Variants in TUSC3 observed in about 807,000 individuals in gnomAD.
TUSC3 encodes the protein tumor suppressor candidate 3.
In TUSC3, 45 loss-of-function variants were observed where a neutral mutation model predicts 44.8. The observed-to-expected ratio is 1.00, with a 90% CI of 0.79 to 1.29. The LOEUF is 1.29. Ranked by LOEUF, TUSC3 falls within the 50% of genes most tolerant of loss-of-function variation. The probability of loss-of-function intolerance (pLI) is 0.00; values close to 1 mark genes in which losing one functional copy is unlikely to be tolerated. For missense variants in TUSC3, 519 were observed against 437.9 expected (o/e 1.19, Z -1.65); for synonymous variants, 212 against 152.9 (o/e 1.39, Z -2.85).
intron 8 of TUSC3, among the ~76,000 whole-genome samples, chr8:15,744,946 C>G (rs908873724): frequency 2.0e-5 from 3 of 152,048 alleles, no homozygotes; most frequent in African/African-American, 7.2e-5. Context: ...CCTACACGCT[C>G]CTCACTCCAT....
chr8:15,714,906 T>C (rs1809999447), intron 6 of TUSC3, among the ~76,000 whole-genome samples: 1 of 152,164 alleles, frequency 6.6e-6, no homozygotes, highest in Admixed American at 6.6e-5. Context: ...TAGGATTTCT[T>C]CCTCTTTATA....
At chr8:15,681,514 A>G (rs1332273037) in intron 6 of TUSC3, among the ~76,000 whole-genome samples, 1 of 149,490 alleles carries the variant, frequency 6.7e-6, no homozygotes, top group South Asian at 2.1e-4. Context: ...ATCAGTTGTA[A>G]TGTCACCTTT....
chr8:15,848,120 C>T, the TUSC3 span, among the ~76,000 whole-genome samples: 1 of 152,066 alleles, frequency 6.6e-6, no homozygotes, highest in Non-Finnish European at 1.5e-5. Flanking sequence ...AGACTGTCCC[C>T]CTCCTTCCCC....
chr8:15,689,420 C>T (rs1808791147), intron 6 of TUSC3: 3 of 204,312 alleles, frequency 1.5e-5, no homozygotes, highest in Non-Finnish European at 3.0e-5. Flanking sequence ...CCTTGTTGTT[C>T]TTGATACCCA....
intron 1 of TUSC3, among the ~76,000 whole-genome samples, chr8:15,592,377 T>G (rs555552836): frequency 4.6e-5 from 7 of 152,198 alleles, no homozygotes; most frequent in Non-Finnish European, 1.0e-4. Context: ...CCAAATCTCA[T>G]GTCAAAATGT....
chr8:15,833,413 G>A, the TUSC3 span, among the ~76,000 whole-genome samples: 2 of 152,118 alleles, frequency 1.3e-5, no homozygotes, highest in Admixed American at 6.5e-5. Flanking sequence ...ACACACATAC[G>A]TTTATTCCAG....
intron 1 of TUSC3, among the ~76,000 whole-genome samples, chr8:15,455,810 C>T (rs1800249737): frequency 6.6e-6 from 1 of 152,120 alleles, no homozygotes. Context: ...TGATAAAAGC[C>T]CTTCCCCAAA....
the TUSC3 span, among the ~76,000 whole-genome samples, chr8:15,833,757 T>G: frequency 6.6e-6 from 1 of 151,702 alleles, no homozygotes; most frequent in Non-Finnish European, 1.5e-5. Context: ...AATACCCGGG[T>G]GACAAAACAA....
At chr8:15,456,320 T>C (rs1800256301) in intron 1 of TUSC3, among the ~76,000 whole-genome samples, 2 of 152,298 alleles carry the variant, frequency 1.3e-5, no homozygotes, top group South Asian at 4.1e-4. Flanking sequence ...CGGAACCTGT[T>C]GAGAAAGTTT....
At chr8:15,830,803 T>A in the TUSC3 span, among the ~76,000 whole-genome samples, 3 of 152,132 alleles carry the variant, frequency 2.0e-5, no homozygotes, top group Non-Finnish European at 4.4e-5. Flanking sequence ...TTATTGAGTA[T>A]GATATTTACT....
At chr8:15,769,010 TTA>T (rs1336977585), downstream of TUSC3, among the ~76,000 whole-genome samples, 1 of 152,134 alleles carries the variant, frequency 6.6e-6, no homozygotes, top group Non-Finnish European at 1.5e-5. Context: ...CAAAAGTAAC[TTA>T]TAGATTAAAT....
intron 8 of TUSC3, among the ~76,000 whole-genome samples, chr8:15,745,315 G>A (rs1811365240): frequency 6.6e-6 from 1 of 152,002 alleles, no homozygotes; most frequent in Non-Finnish European, 1.5e-5. Flanking sequence ...TTTTCTTTGG[G>A]TGTATACCCA....
chr8:15,733,320 C>G (rs1810797392), intron 7 of TUSC3: 2 of 366,418 alleles, frequency 5.5e-6, no homozygotes, highest in Non-Finnish European at 1.0e-5. Context: ...AAGTTTTTAA[C>G]TCATTTATTT....
At chr8:15,728,084 T>G (rs1810573073) in intron 6 of TUSC3, among the ~76,000 whole-genome samples, 1 of 152,174 alleles carries the variant, frequency 6.6e-6, no homozygotes, top group African/African-American at 2.4e-5. Flanking sequence ...TGGCTGCATT[T>G]TTAAATTGAA....
At chr8:15,836,704 A>G in the TUSC3 span, among the ~76,000 whole-genome samples, 7 of 152,126 alleles carry the variant, frequency 4.6e-5, no homozygotes, top group East Asian at 1.4e-3. Context: ...TAAATAATCA[A>G]ATTTTAGTTC....
At chr8:15,797,952 G>A in the TUSC3 span, among the ~76,000 whole-genome samples, 2 of 152,094 alleles carry the variant, frequency 1.3e-5, 1 homozygote, top group South Asian at 4.2e-4. Context: ...TTGGGCTAAT[G>A]CATCTCTTAC....
intron 1 of TUSC3, among the ~76,000 whole-genome samples, chr8:15,468,660 A>C (rs1265558327): frequency 6.6e-6 from 1 of 152,208 alleles, no homozygotes; most frequent in Non-Finnish European, 1.5e-5. Flanking sequence ...AATTCTTGCC[A>C]GACTATAAAA....
chr8:15,570,954 GTTTT>G lies in TUSC3; in HGVS notation c.138+30403_138+30406del, dbSNP rs549277334. On this transcript the variant is annotated intron_variant, in intron 1 of 10. Transcript: ENST00000503731. ...TTGCTTTCTATTCCATTGCCTATTAGTTTTTTTTTTTTTTTTTTTTGAGATTGAG... is the reference window on the plus strand; with the variant it reads ...TTGCTTTCTATTCCATTGCCTATTAGTTTTTTTTTTTTTTTTGAGATTGAG... Among the ~76,000 whole-genome samples the G allele has an allele frequency of 9.0e-5, 4 of 44,494 alleles. 1 individual carries two copies. The highest frequency in any genetic ancestry group is 1.6e-4 in the Non-Finnish European group (3 of 19,084). 29.2% of individuals were successfully genotyped at this position (44,494 alleles called of 152,430 possible).
intron 1 of TUSC3, among the ~76,000 whole-genome samples, chr8:15,429,350 C>T (rs1198689773): frequency 6.6e-6 from 1 of 151,324 alleles, no homozygotes; most frequent in Non-Finnish European, 1.5e-5. Context: ...GGTACCAGTA[C>T]CATGCTGTTT....
Sources: gnomAD v4.1 joint callset for allele counts (sites outside exome capture counted in the v4.1 genomes callset) on GRCh38, gnomAD v4.1.1 for gene constraint, MANE v1.5 for transcripts, NCBI Gene and HGNC (gene_info 2026-07-23, HGNC 2026-07-21) for gene names.